The following PTPRD variants were observed in gnomAD, a reference collection of about 807,000 sequenced individuals.
PTPRD encodes the protein protein tyrosine phosphatase receptor type D, also known as receptor-type tyrosine-protein phosphatase delta.
In PTPRD, 34 loss-of-function variants were observed where a neutral mutation model predicts 214.5. The ratio of observed to expected loss-of-function variants is 0.16; its 90% CI spans 0.12 to 0.21. The LOEUF is 0.21. PTPRD is among the 10% of genes least tolerant of loss of function. The pLI is 1.00. For missense variants in PTPRD, 2,545 were observed against 2,398.7 expected, an observed-to-expected ratio of 1.06 and a Z score of -1.27; for synonymous variants, 1,128 against 845.7, an observed-to-expected ratio of 1.33 and a Z score of -5.79.
At chr9:10,147,031 CGTGCCA>C (rs2099027827) in intron 3 of PTPRD, among the ~76,000 whole-genome samples, 2 of 152,020 alleles carry the variant, frequency 1.3e-5, no homozygotes, top group Admixed American at 1.3e-4. Flanking sequence ...TATTCTACCC[CGTGCCA>C]AAATGAGACC....
chr9:9,254,865 G>A (rs1318417758), intron 9 of PTPRD, among the ~76,000 whole-genome samples: 1 of 152,018 alleles, frequency 6.6e-6, no homozygotes, highest in Non-Finnish European at 1.5e-5. Flanking sequence ...CAAAGATTCT[G>A]GAGAATACAA....
At chr9:8,400,643 T>G (rs74891205) in intron 36 of PTPRD, among the ~76,000 whole-genome samples, 2,048 of 152,188 alleles carry the variant, frequency 0.013, 18 homozygotes, top group Middle Eastern at 0.058. Context: ...GGTAGGAAAG[T>G]GTTATGAGTG....
intron 14 of PTPRD, among the ~76,000 whole-genome samples, chr9:8,608,988 G>T (rs2095343789): frequency 6.6e-6 from 1 of 152,174 alleles, no homozygotes; most frequent in Non-Finnish European, 1.5e-5. Context: ...AGGCTTCTCA[G>T]TGTTTCCCAC....
chr9:10,369,692 A>G (rs748917963), intron 2 of PTPRD, among the ~76,000 whole-genome samples: 2 of 152,054 alleles, frequency 1.3e-5, no homozygotes, highest in East Asian at 1.9e-4. Context: ...CTCTTTTTCT[A>G]TACACTGAAT....
intron 11 of PTPRD, among the ~76,000 whole-genome samples, chr9:8,896,487 T>G (rs1465285915): frequency 6.6e-6 from 1 of 152,190 alleles, no homozygotes; most frequent in Non-Finnish European, 1.5e-5. Context: ...ACTGGCTCAA[T>G]GATGAATGAA....
At position 9,570,626 on chromosome 9, in the gene PTPRD, A is replaced by T. The variant is rs557617883; in HGVS notation, c.-237+4106T>A. Among the ~76,000 whole-genome samples the T allele has an allele frequency of 7.9e-5, 12 of 151,684 alleles. No individual in the cohort carries two copies. In the East Asian group the frequency reaches 2.1e-3, roughly 27 times the overall value. On this transcript the variant is annotated intron_variant, in intron 8 of 45. Coordinates refer to ENST00000381196, the MANE Select transcript of PTPRD (RefSeq NM_002839.4). ...TATTAGTGCTACTTAAAGTCTTAGA[A>T]CCAATCTTCAAGACAGCTATTTGTG...
At chr9:9,803,530 T>C (rs957741766) in intron 5 of PTPRD, among the ~76,000 whole-genome samples, 9 of 151,972 alleles carry the variant, frequency 5.9e-5, no homozygotes, top group African/African-American at 2.2e-4. Flanking sequence ...ATGATGAGCA[T>C]CCCAAATAGA....
At chr9:8,961,835 T>C (rs1042448337) in intron 11 of PTPRD, among the ~76,000 whole-genome samples, 9 of 152,204 alleles carry the variant, frequency 5.9e-5, no homozygotes, top group Non-Finnish European at 1.3e-4. Flanking sequence ...TTTCTCTAAG[T>C]ACCCCATGTG....
intron 3 of PTPRD, among the ~76,000 whole-genome samples, chr9:10,294,116 T>C (rs534706622): frequency 2.0e-5 from 3 of 152,096 alleles, no homozygotes; most frequent in East Asian, 3.9e-4. Context: ...GGTGTCTTGA[T>C]TGGAAATTGG....
intron 4 of PTPRD, among the ~76,000 whole-genome samples, chr9:9,953,176 T>A (rs1271207928): frequency 6.6e-6 from 1 of 152,166 alleles, no homozygotes; most frequent in African/African-American, 2.4e-5. Flanking sequence ...TGGGTCATGG[T>A]GTGCAGATAT....
chr9:10,378,668 G>T (rs1428697543), intron 2 of PTPRD, among the ~76,000 whole-genome samples: 1 of 151,836 alleles, frequency 6.6e-6, no homozygotes, highest in Non-Finnish European at 1.5e-5. Flanking sequence ...TTGTTCCATT[G>T]GTCTATGTGT....
At chr9:8,838,395 G>GA (rs2097484911) in intron 11 of PTPRD, among the ~76,000 whole-genome samples, 1 of 151,974 alleles carries the variant, frequency 6.6e-6, no homozygotes, top group Admixed American at 6.6e-5. Context: ...GATTTAAAGG[G>GA]AAAAAATTCA....
At chr9:9,807,237 G>GT (rs990010287) in intron 5 of PTPRD, among the ~76,000 whole-genome samples, 5 of 152,148 alleles carry the variant, frequency 3.3e-5, no homozygotes, top group Non-Finnish European at 7.3e-5. Context: ...GAGCAAGCAG[G>GT]TAACAATCTG....
intron 39 of PTPRD, among the ~76,000 whole-genome samples, chr9:8,372,060 A>T (rs1448579224): frequency 6.6e-6 from 1 of 152,078 alleles, no homozygotes; most frequent in Non-Finnish European, 1.5e-5. Context: ...TCAGGTCTTT[A>T]TACAAACAGA....
At chr9:8,945,493 A>T (rs10977389) in intron 11 of PTPRD, among the ~76,000 whole-genome samples, 20,679 of 151,834 alleles carry the variant, frequency 0.14, 1,567 homozygotes, top group South Asian at 0.23. Context: ...TATCTACTGC[A>T]ATTCATCTTG....
At chr9:8,919,153 G>A (rs2154267788) in intron 11 of PTPRD, among the ~76,000 whole-genome samples, 1 of 152,172 alleles carries the variant, frequency 6.6e-6, no homozygotes, top group Non-Finnish European at 1.5e-5. Flanking sequence ...AGCACTTTAG[G>A]AGGCTAAGGT....
At chr9:9,535,923 G>T (rs1160518202) in intron 8 of PTPRD, among the ~76,000 whole-genome samples, 2 of 152,142 alleles carry the variant, frequency 1.3e-5, no homozygotes, top group African/African-American at 2.4e-5. Flanking sequence ...TTTGCTATAA[G>T]ATTCGCTATT....
chr9:8,586,530 C>A (rs931921945), intron 14 of PTPRD, among the ~76,000 whole-genome samples: 1 of 152,118 alleles, frequency 6.6e-6, no homozygotes, highest in Non-Finnish European at 1.5e-5. Context: ...AAAAAGGGAA[C>A]CTAACAGGCT....
intron 9 of PTPRD, among the ~76,000 whole-genome samples, chr9:9,343,083 T>C (rs2047443424): frequency 6.6e-6 from 1 of 152,184 alleles, no homozygotes; most frequent in Non-Finnish European, 1.5e-5. Context: ...TATAGCTGCA[T>C]AGTATTCCAT....
Sources: gnomAD v4.1 joint callset for allele counts (sites outside exome capture counted in the v4.1 genomes callset) on GRCh38, gnomAD v4.1.1 for gene constraint, MANE v1.5 for transcripts, NCBI Gene and HGNC (gene_info 2026-07-23, HGNC 2026-07-21) for gene names.